Variants in STAG1 observed in about 807,000 individuals in gnomAD.
STAG1 encodes cohesin subunit SA-1.
Under a neutral mutation model 170.9 loss-of-function variants are expected in STAG1, and 26 were observed. The ratio of observed to expected loss-of-function variants is 0.15; its 90% CI spans 0.11 to 0.21. STAG1 has a LOEUF of 0.21. Among genes scored for constraint, STAG1 ranks in the 10% least tolerant of loss-of-function variants. STAG1 has a pLI of 1.00. For missense variants in STAG1, 964 were observed against 1,509.5 expected (o/e 0.64, Z 5.99); for synonymous variants, 514 against 497.7 (o/e 1.03, Z -0.44).
intron 1 of STAG1, among the ~76,000 whole-genome samples, chr3:136,678,593 T>C (rs1942218042): frequency 6.6e-6 from 1 of 151,532 alleles, no homozygotes; most frequent in South Asian, 2.1e-4. Flanking sequence ...AGTAGAACTA[T>C]AAAAAATTCA....
chr3:136,690,516 C>T (rs1194414506), intron 1 of STAG1, among the ~76,000 whole-genome samples: 5 of 152,328 alleles, frequency 3.3e-5, no homozygotes, highest in African/African-American at 4.8e-5. Context: ...GGATTACAGG[C>T]GTGAGCCACC....
intron 1 of STAG1, among the ~76,000 whole-genome samples, chr3:136,679,054 G>A (rs1405201343): frequency 6.7e-6 from 1 of 150,256 alleles, no homozygotes; most frequent in Non-Finnish European, 1.5e-5. Context: ...ACTTATGCCT[G>A]CCCAAGAAAT....
intron 7 of STAG1, among the ~76,000 whole-genome samples, chr3:136,506,095 T>C (rs143956538): frequency 3.3e-5 from 5 of 152,262 alleles, no homozygotes; most frequent in Admixed American, 2.6e-4. Flanking sequence ...TCCTAGAGAA[T>C]GTGGAGTGAT....
chr3:136,590,435 G>A (rs1047927252), intron 4 of STAG1, among the ~76,000 whole-genome samples: 1 of 151,516 alleles, frequency 6.6e-6, no homozygotes, highest in Non-Finnish European at 1.5e-5. Flanking sequence ...AGAGGTTGCA[G>A]TGAGCTGAGA....
At chr3:136,648,883 G>A (rs751280739) in intron 1 of STAG1, among the ~76,000 whole-genome samples, 3 of 152,138 alleles carry the variant, frequency 2.0e-5, no homozygotes, top group Non-Finnish European at 4.4e-5. Context: ...CCTAGAGCCA[G>A]ACTGATTTAT....
chr3:136,531,210 A>G (rs2107928297), intron 6 of STAG1, among the ~76,000 whole-genome samples: 1 of 151,196 alleles, frequency 6.6e-6, no homozygotes, highest in African/African-American at 2.4e-5. Context: ...CCACAATGAG[A>G]TACCATCTCA....
intron 1 of STAG1, among the ~76,000 whole-genome samples, chr3:136,658,535 T>C (rs6791142): frequency 0.65 from 98,638 of 151,742 alleles, 34,062 homozygotes; most frequent in African/African-American, 0.88. Flanking sequence ...TCAACACTAG[T>C]ACCATAATCA....
intron 28 of STAG1, among the ~76,000 whole-genome samples, chr3:136,355,033 C>G (rs1329680253): frequency 6.6e-6 from 1 of 151,862 alleles, no homozygotes; most frequent in Non-Finnish European, 1.5e-5. Context: ...TAAGACTCAA[C>G]TGGTCAGGAA....
At position 136,451,421 on chromosome 3, in the gene STAG1, T is replaced by C. The variant is rs577162823; in HGVS notation, c.1428+612A>G. 1.7e-3 allele frequency among the ~76,000 whole-genome samples: 256 copies of C among 152,212 alleles called. 1 individual carries two copies. The highest frequency in any genetic ancestry group is 5.2e-3 in the African/African-American group (214 of 41,536). On this transcript the variant is annotated intron_variant, in intron 14 of 33. Coordinates refer to ENST00000383202, the MANE Select transcript of STAG1 (RefSeq NM_005862.3). ...AGTCTGACAATTTTCAAAAACTGTT[T>C]AATGTAATGTAAAAGCTACAGGCAT...
At chr3:136,634,825 C>G (rs1421822462) in intron 1 of STAG1, among the ~76,000 whole-genome samples, 2 of 151,882 alleles carry the variant, frequency 1.3e-5, no homozygotes, top group African/African-American at 2.4e-5. Flanking sequence ...AATAAAATGA[C>G]TTTTGAAAAA....
intron 1 of STAG1, among the ~76,000 whole-genome samples, chr3:136,639,205 TTGG>T (rs1940701481): frequency 6.9e-6 from 1 of 144,266 alleles, no homozygotes; most frequent in Non-Finnish European, 1.5e-5. Context: ...AAAAAAGGCC[TTGG>T]AGTCCCAGCT....
At chr3:136,599,348 T>C (rs971509880) in intron 4 of STAG1, among the ~76,000 whole-genome samples, 3 of 151,916 alleles carry the variant, frequency 2.0e-5, no homozygotes, top group African/African-American at 7.3e-5. Context: ...TAGGGTAACA[T>C]GGCAAAACCC....
In STAG1 at chr3:136,359,284, G is replaced by A. The variant is rs1936767530; in HGVS notation, c.2800C>T (p.Leu934Phe). The A allele has an allele frequency of 1.1e-5, 18 of 1,576,202 alleles. No homozygotes were observed. Among genetic ancestry groups the A allele is most frequent in the Non-Finnish European group, 1.6e-5 (18 of 1,161,266 alleles). Residue 934 changes from leucine to phenylalanine, a missense_variant, in exon 27 of 34, where the codon CTT becomes TTT. Leu to Phe is a conservative substitution (Grantham distance 22). Around this residue, in one of 11 missense-constraint regions of STAG1, gnomAD observed 149 missense variants for 301.3 expected, o/e 0.49. Transcript: ENST00000383202. ...AGGTTGGGACCTTGCTCTTGAACAAGTTCATTAAATAACTGATAGAAAGAA... is the reference window on the plus strand; with the variant it reads ...AGGTTGGGACCTTGCTCTTGAACAAATTCATTAAATAACTGATAGAAAGAA... ...ILSLQQLFNELVQEQGPNLDR... is the reference protein window; with the variant it reads ...ILSLQQLFNEFVQEQGPNLDR...
chr3:136,593,550 T>C lies in STAG1; in HGVS notation c.297+10759A>G, dbSNP rs182868094. Among the ~76,000 whole-genome samples the C allele has an allele frequency of 1.7e-4, 26 of 152,360 alleles. No individual in the cohort carries two copies. In the East Asian group the frequency reaches 4.8e-3, roughly 28 times the overall value. On this transcript the variant is annotated intron_variant, in intron 4 of 33. Transcript: ENST00000383202. ...TCTAAAATTACAATAAAATATACTT[T>C]AATGATTATTAAAATATTGAGAATT... is the stretch of plus-strand genomic sequence containing the variant.
chr3:136,645,442 CTCTCCA>C (rs1446414896), intron 1 of STAG1, among the ~76,000 whole-genome samples: 3 of 152,178 alleles, frequency 2.0e-5, no homozygotes, highest in Non-Finnish European at 4.4e-5. Flanking sequence ...GCTCATACCA[CTCTCCA>C]TCTCCATTTC....
At chr3:136,432,500 GT>G (rs1193383577) in intron 16 of STAG1, among the ~76,000 whole-genome samples, 2 of 101,362 alleles carry the variant, frequency 2.0e-5, no homozygotes, top group African/African-American at 4.0e-5. Flanking sequence ...TTTAATTTTT[GT>G]TTTCTTTTTT....
chr3:136,699,724 T>C (rs1174855471), intron 1 of STAG1, among the ~76,000 whole-genome samples: 2 of 151,956 alleles, frequency 1.3e-5, no homozygotes, highest in African/African-American at 2.4e-5. Context: ...AGCTAAGCTA[T>C]CAGGACACAT....
At chr3:136,683,820 T>C (rs1309659595) in intron 1 of STAG1, among the ~76,000 whole-genome samples, 3 of 152,136 alleles carry the variant, frequency 2.0e-5, no homozygotes, top group Non-Finnish European at 4.4e-5. Flanking sequence ...ACCAAAAAAC[T>C]CTTTGAACTA....
At chr3:136,492,435 G>A (rs1220811111) in intron 9 of STAG1, among the ~76,000 whole-genome samples, 3 of 152,208 alleles carry the variant, frequency 2.0e-5, no homozygotes, top group African/African-American at 7.2e-5. Flanking sequence ...GTTACAGACT[G>A]ACAGAAAATC....
Sources: gnomAD v4.1 joint callset for allele counts (sites outside exome capture counted in the v4.1 genomes callset) on GRCh38, gnomAD v4.1.1 for gene constraint, gnomAD v4.1.1 regional missense constraint, MANE v1.5 for transcripts, NCBI Gene and HGNC (gene_info 2026-07-23, HGNC 2026-07-21) for gene names.